Variants in MYO18B observed in about 807,000 individuals in gnomAD.
The protein encoded by MYO18B is unconventional myosin-XVIIIb.
In MYO18B, 204 loss-of-function variants were observed where a neutral mutation model predicts 273.0. The observed-to-expected ratio is 0.75, with a 90% CI of 0.67 to 0.84. The LOEUF is 0.84. Ranked by LOEUF, MYO18B falls within the 40% of genes least tolerant of loss-of-function variation. The pLI is 0.00. For synonymous variants in MYO18B, 1,330 were observed against 1,305.7 expected (o/e 1.02, Z -0.40); for missense variants, 3,212 against 3,287.6 (o/e 0.98, Z 0.56).
chr22:25,812,001 C>T (rs1229240313), intron 12 of MYO18B, among the ~76,000 whole-genome samples: 1 of 152,196 alleles, frequency 6.6e-6, no homozygotes, highest in Non-Finnish European at 1.5e-5. Flanking sequence ...ATGAGGTTAT[C>T]ATTTCCATCT....
intron 12 of MYO18B, among the ~76,000 whole-genome samples, chr22:25,806,534 C>T (rs764412108): frequency 9.2e-5 from 14 of 152,138 alleles, no homozygotes; most frequent in Admixed American, 2.0e-4. Context: ...GGGAAGGCAG[C>T]GGGAGGGGGC....
chr22:25,978,913 C>T (rs2093121631), intron 39 of MYO18B, among the ~76,000 whole-genome samples: 2 of 152,170 alleles, frequency 1.3e-5, no homozygotes, highest in African/African-American at 2.4e-5. Flanking sequence ...CTTCACTGCA[C>T]TCCAGCCTGG....
the MYO18B span, among the ~76,000 whole-genome samples, chr22:26,043,924 C>A: frequency 6.6e-6 from 1 of 152,204 alleles, no homozygotes; most frequent in African/African-American, 2.4e-5. Flanking sequence ...CTGCACCTGG[C>A]TTTACTGTGC....
chr22:25,799,072 C>A (rs1369267024), intron 12 of MYO18B, among the ~76,000 whole-genome samples: 1 of 151,828 alleles, frequency 6.6e-6, no homozygotes, highest in Non-Finnish European at 1.5e-5. Context: ...GTCTCTGTGA[C>A]ATCATTTCTG....
At chr22:25,840,976 A>G (rs568869752) in intron 17 of MYO18B, among the ~76,000 whole-genome samples, 2 of 152,326 alleles carry the variant, frequency 1.3e-5, no homozygotes, top group Non-Finnish European at 2.9e-5. Flanking sequence ...CTCTTCCTCT[A>G]TTGCTTTCTG....
intron 17 of MYO18B, among the ~76,000 whole-genome samples, chr22:25,839,911 C>T (rs898794856): frequency 1.3e-5 from 2 of 152,194 alleles, no homozygotes; most frequent in Non-Finnish European, 2.9e-5. Context: ...CCTGGTGAAA[C>T]CCGTGGGCTG....
chr22:25,828,652 C>T, intron 14 of MYO18B, 124 bp from the exon 15 acceptor site: 1 of 869,640 alleles, frequency 1.1e-6, no homozygotes. Flanking sequence ...AGTAGCTTGC[C>T]TGAGGTCACA....
intron 22 of MYO18B, 124 bp downstream of exon 22, chr22:25,868,509 A>G: frequency 1.3e-6 from 1 of 774,686 alleles, no homozygotes; most frequent in Non-Finnish European, 2.1e-6. Context: ...AACTGAAGGT[A>G]GAGCTAATGA....
the MYO18B span, among the ~76,000 whole-genome samples, chr22:26,055,922 C>T: frequency 5.9e-5 from 9 of 152,186 alleles, no homozygotes; most frequent in African/African-American, 1.2e-4. Context: ...ACTAATCCTA[C>T]GCCTGAGATG....
chr22:25,925,902 CAAAAAA>C (rs34754921), intron 34 of MYO18B, among the ~76,000 whole-genome samples: 1 of 65,770 alleles, frequency 1.5e-5, no homozygotes, highest in Non-Finnish European at 2.8e-5. Flanking sequence ...AAGACTCTGT[CAAAAAA>C]AAAAAAAAAA....
intron 17 of MYO18B, among the ~76,000 whole-genome samples, chr22:25,837,156 A>G (rs774414519): frequency 2.6e-5 from 4 of 152,144 alleles, no homozygotes; most frequent in African/African-American, 4.8e-5. Context: ...CAGGAGATGC[A>G]TCTTCCAGCA....
intron 40 of MYO18B, among the ~76,000 whole-genome samples, chr22:25,999,805 G>A (rs186588518): frequency 1.7e-4 from 26 of 151,804 alleles, no homozygotes; most frequent in African/African-American, 5.8e-4. Context: ...ACAGGCACAC[G>A]CCACCACACC....
chr22:26,027,154 G>A lies in MYO18B; in HGVS notation c.7180G>A (p.Ala2394Thr), dbSNP rs1936313229. Residue 2394 changes from alanine (A) to threonine (T), a missense_variant, in exon 43 of 44, where the codon GCG (alanine) becomes ACG (threonine). Ala to Thr is a moderately conservative substitution (Grantham distance 58, BLOSUM62 0). Coordinates refer to ENST00000335473, the MANE Select transcript of MYO18B (RefSeq NM_032608.7). This position sits in a 1 kb window ranked among gnomAD's most constrained non-coding sequence, Gnocchi z 4.1. ...GTGTCTGGAGTCCTCTGTGGACGATGCGGGCTGTCCAGACCTTGGAAAGGA... is the reference window on the plus strand; with the variant it reads ...GTGTCTGGAGTCCTCTGTGGACGATACGGGCTGTCCAGACCTTGGAAAGGA... ...RRCLESSVDDAGCPDLGKEPL... is the reference protein window; with the variant it reads ...RRCLESSVDDTGCPDLGKEPL... The A allele has an allele frequency of 1.2e-6, 2 of 1,614,000 alleles. No individual in the cohort carries two copies. The highest frequency in any genetic ancestry group is 1.6e-4 in the Middle Eastern group (1 of 6,062).
rs977690149 is a variant in MYO18B at position 25,835,448 on chromosome 22, G to A, written c.3208+5G>A. The A allele has an allele frequency of 6.2e-7, 1 of 1,613,648 alleles. No homozygotes were observed. Among genetic ancestry groups the A allele is most frequent in the Admixed American group, 1.7e-5 (1 of 60,018 alleles). On this transcript the variant is annotated splice_donor_5th_base_variant and intron_variant, in intron 17 of 43. Transcript: ENST00000335473. ...AGAAAGGAGCTGGGACTGAAGGTAA[G>A]GAAGCAGGGGGCTGGGGATGGGGCC...
At chr22:25,985,895 G>T (rs6004871) in intron 39 of MYO18B, among the ~76,000 whole-genome samples, 1 of 152,116 alleles carries the variant, frequency 6.6e-6, no homozygotes, top group Non-Finnish European at 1.5e-5. Flanking sequence ...GCCTCCTAAA[G>T]TGCTGGGATT....
chr22:25,973,964 T>C (rs1167166236), intron 39 of MYO18B, among the ~76,000 whole-genome samples: 1 of 152,220 alleles, frequency 6.6e-6, no homozygotes, highest in Non-Finnish European at 1.5e-5. Context: ...CTGTTTTGGG[T>C]CAAATCTCAA....
intron 15 of MYO18B, among the ~76,000 whole-genome samples, chr22:25,832,397 G>A (rs976371355): frequency 1.3e-5 from 2 of 152,062 alleles, no homozygotes; most frequent in African/African-American, 2.4e-5. Flanking sequence ...AATGAGATAC[G>A]CATATTACGA....
At chr22:25,814,655 G>A (rs1208837666) in intron 12 of MYO18B, among the ~76,000 whole-genome samples, 1 of 152,054 alleles carries the variant, frequency 6.6e-6, no homozygotes, top group East Asian at 1.9e-4. Context: ...GGGAGATAGT[G>A]ATGGCTCAGT....
intron 12 of MYO18B, among the ~76,000 whole-genome samples, chr22:25,802,376 G>A (rs1229063685): frequency 1.3e-5 from 2 of 152,236 alleles, no homozygotes; most frequent in Non-Finnish European, 2.9e-5. Flanking sequence ...TTTCCATGGA[G>A]GTTTCTCTAT....
Sources: allele counts gnomAD v4.1 joint callset (sites outside exome capture counted in the v4.1 genomes callset), GRCh38; gene constraint gnomAD v4.1.1; non-coding constraint Gnocchi (gnomAD v3.1); transcripts MANE v1.5; gene names NCBI Gene and HGNC (gene_info 2026-07-23, HGNC 2026-07-21).